Variants in SOD2 observed in about 807,000 individuals in gnomAD.
The protein encoded by SOD2 is superoxide dismutase [Mn], mitochondrial.
A neutral mutation model predicts 27.0 loss-of-function variants in SOD2; 11 were observed. The observed-to-expected ratio is 0.41, with a 90% CI of 0.26 to 0.67. The LOEUF (loss-of-function observed/expected upper bound fraction) is 0.67. SOD2 is among the 30% of genes least tolerant of loss of function. The pLI is 0.34. For missense variants in SOD2, 250 were observed against 274.5 expected, an observed-to-expected ratio of 0.91 and a Z score of 0.63; for synonymous variants, 105 against 103.0, an observed-to-expected ratio of 1.02 and a Z score of -0.12.
intron 1 of SOD2, among the ~76,000 whole-genome samples, chr6:159,724,019 G>A (rs1427096199): frequency 2.6e-5 from 4 of 151,836 alleles, no homozygotes; most frequent in African/African-American, 9.7e-5. Context: ...AAAGCACTGG[G>A]ATTACAGGTG....
rs564543657 is a variant in SOD2 at position 159,681,908 on chromosome 6, T to G, written c.*585A>C. 5.9e-5 allele frequency: 9 copies of G among 152,346 alleles called. No individual in the cohort carries two copies. Among genetic ancestry groups the G allele is most frequent in the African/African-American group, 2.2e-4 (9 of 41,586 alleles). 9.4% of individuals were successfully genotyped at this position (152,346 alleles called of 1,614,324 possible). On this transcript the variant is annotated 3_prime_UTR_variant, in exon 5 of 5. Coordinates refer to ENST00000538183, the MANE Select transcript of SOD2 (RefSeq NM_000636.4). ...TTTTGCTGTTGAAGTTTGCCTTTAC[T>G]GTGCAGGTGAGCAAACCCCAGTTCA...
At chr6:159,733,286 G>C (rs549260162) in intron 1 of SOD2, among the ~76,000 whole-genome samples, 26 of 152,304 alleles carry the variant, frequency 1.7e-4, no homozygotes, top group Admixed American at 1.2e-3. Context: ...AACAAATACT[G>C]AGGTTTTTAT....
At chr6:159,693,106 T>G in intron 1 of SOD2, 39 bp downstream of exon 1, 1 of 1,523,350 alleles carries the variant, frequency 6.6e-7, no homozygotes, top group Non-Finnish European at 8.8e-7. Flanking sequence ...GCGAGCCCCT[T>G]CGCCCTTGGG....
intron 1 of SOD2, chr6:159,736,292 G>A (rs1304778174): frequency 6.2e-7 from 1 of 1,604,436 alleles, no homozygotes; most frequent in East Asian, 2.2e-5. Flanking sequence ...CTCTTCCCAA[G>A]AAGGTATGGG....
intron 1 of SOD2, among the ~76,000 whole-genome samples, chr6:159,723,386 T>C (rs1195382072): frequency 6.6e-6 from 1 of 152,232 alleles, no homozygotes; most frequent in African/African-American, 2.4e-5. Flanking sequence ...TATGGATTAG[T>C]GTTGTTTGTT....
rs1304130784 is a variant in SOD2 at position 159,681,757 on chromosome 6, A to G, written c.*736T>C. 0.021 allele frequency: 3,258 copies of G among 152,302 alleles called. 74 individuals carry two copies. Among genetic ancestry groups the G allele is most frequent in the African/African-American group, 0.051 (2,111 of 41,546 alleles). 9.4% of individuals were successfully genotyped at this position (152,302 alleles called of 1,614,324 possible). A position where few individuals can be genotyped will look rare whatever the true frequency, so the allele number is the denominator to read the frequency against. On this transcript the variant is annotated 3_prime_UTR_variant, in exon 5 of 5. Coordinates refer to ENST00000538183, the MANE Select transcript of SOD2 (RefSeq NM_000636.4). ...TTTCCTGAAATTTACCACTGCCTTT[A>G]AATACTCTAGCTTGTAGGTCATCAT...
Position 159,671,554 on chromosome 6 carries a change from A to G in SOD2, c.*10939T>C, listed in dbSNP as rs1469910062. On this transcript the variant is annotated 3_prime_UTR_variant, in exon 5 of 5. Transcript: ENST00000538183. ...GTCCTGACTGTTAGAAGGAAAACTA[A>G]CAAACAGAAAGGACATCCACACCAA... 4 of 152,302 alleles carry G rather than the reference A, an allele frequency of 2.6e-5. No homozygotes were observed. Among genetic ancestry groups the G allele is most frequent in the Admixed American group, 2.6e-4 (4 of 15,288 alleles). 9.4% of individuals were successfully genotyped at this position (152,302 alleles called of 1,614,324 possible). A position where few individuals can be genotyped will look rare whatever the true frequency, so the allele number is the denominator to read the frequency against.
chr6:159,712,400 ACACT>A (rs1777825777), intron 1 of SOD2, among the ~76,000 whole-genome samples: 18 of 96,072 alleles, frequency 1.9e-4, no homozygotes, highest in South Asian at 4.3e-4. Flanking sequence ...ACCACCACTC[ACACT>A]GCTCTGATCA....
In SOD2 at chr6:159,671,648, A is replaced by G. The variant is rs1014235264; in HGVS notation, c.*10845T>C. 3.9e-5 allele frequency: 6 copies of G among 152,230 alleles called. No individual in the cohort carries two copies. The highest frequency in any genetic ancestry group is 1.2e-4 in the African/African-American group (5 of 41,452). The allele number at this position is 152,230 out of a possible 1,614,324, so 9.4% of individuals were successfully genotyped here. ...AAAACCACAAAGATGGGGAAAAAAC[A>G]GAGCAGAAAAGCTGAAAATTCTAAA... On this transcript the variant is annotated 3_prime_UTR_variant, in exon 5 of 5. Coordinates refer to ENST00000538183, the MANE Select transcript of SOD2 (RefSeq NM_000636.4).
Position 159,692,957 on chromosome 6 carries a change from G to A in SOD2, c.24-94C>T, listed in dbSNP as rs558514868. 5.6e-5 allele frequency: 76 copies of A among 1,363,010 alleles called. No individual in the cohort carries two copies. In the South Asian group the frequency reaches 8.4e-4, roughly 15 times the overall value. 84.4% of individuals were successfully genotyped at this position (1,363,010 alleles called of 1,614,324 possible). On this transcript the variant is annotated intron_variant, in intron 1 of 4. Coordinates refer to ENST00000538183, the MANE Select transcript of SOD2 (RefSeq NM_000636.4). ...GGAACGGCAGCGCGCGGCGTCCCCC[G>A]AGTCCCCGCGTCCCCTCCCTGCGGA...
At chr6:159,697,930 G>A (rs11757445), upstream of SOD2, among the ~76,000 whole-genome samples, 65,363 of 151,962 alleles carry the variant, frequency 0.43, 14,803 homozygotes, top group Admixed American at 0.51. Context: ...ATCTGAGGTC[G>A]GGAAATCGAG....
At chr6:159,694,967 G>A (rs1486944971), upstream of SOD2, among the ~76,000 whole-genome samples, 1 of 152,132 alleles carries the variant, frequency 6.6e-6, no homozygotes, top group Non-Finnish European at 1.5e-5. Flanking sequence ...TGGAAGCTGA[G>A]AAACATTTCT....
intron 1 of SOD2, among the ~76,000 whole-genome samples, chr6:159,720,847 CTTTTTTT>C (rs763455003): frequency 0.016 from 945 of 59,916 alleles, 15 homozygotes; most frequent in African/African-American, 0.058. Flanking sequence ...TTTTCTTTAC[CTTTTTTT>C]TTTTTTTTTT....
At chr6:159,752,033 A>T (rs1394229801) in intron 1 of SOD2, among the ~76,000 whole-genome samples, 1 of 151,518 alleles carries the variant, frequency 6.6e-6, no homozygotes, top group Admixed American at 6.6e-5. Flanking sequence ...ACTGCACTCC[A>T]GCCTGGCAAC....
At chr6:159,699,117 C>G (rs1777482118) in intron 1 of SOD2, among the ~76,000 whole-genome samples, 2 of 152,286 alleles carry the variant, frequency 1.3e-5, no homozygotes, top group South Asian at 4.1e-4. Context: ...CCAGCCTTAT[C>G]TAATTGGAGC....
chr6:159,713,474 T>C lies in SOD2; in HGVS notation c.-116+13655A>G, dbSNP rs1777868500. On this transcript the variant is annotated intron_variant, in intron 1 of 2. Coordinates refer to the SOD2 transcript ENST00000401980. Reference sequence around the variant, plus strand: ...ATTTCAATGTACCTGTGCCCTATTCTTTCCCTGTGTTTCTTCAATGCCGTC... The same window carrying C: ...ATTTCAATGTACCTGTGCCCTATTCCTTCCCTGTGTTTCTTCAATGCCGTC... 1.4e-5 allele frequency: 9 copies of C among 661,890 alleles called. No homozygotes were observed. The East Asian group carries it at 2.1e-4, about 15-fold the overall frequency. The allele number at this position is 661,890 out of a possible 1,614,324, so 41.0% of individuals were successfully genotyped here.
At chr6:159,689,582 CAG>C (rs2114782855) in intron 2 of SOD2, among the ~76,000 whole-genome samples, 1 of 152,350 alleles carries the variant, frequency 6.6e-6, no homozygotes, top group South Asian at 2.1e-4. Context: ...GTAAAGGACA[CAG>C]AGACCCACTG....
At chr6:159,749,339 G>T, upstream of SOD2, 1 of 985,434 alleles carries the variant, frequency 1.0e-6, no homozygotes, top group Non-Finnish European at 1.2e-6. Context: ...TGTCGTTGGT[G>T]TTAATGGGGG....
chr6:159,757,993 T>G (rs1305912894), intron 1 of SOD2, among the ~76,000 whole-genome samples: 1 of 152,262 alleles, frequency 6.6e-6, no homozygotes, highest in African/African-American at 2.4e-5. Flanking sequence ...TTCATGTTTC[T>G]GTTGAGTCTG....
Sources: allele counts gnomAD v4.1 joint callset (sites outside exome capture counted in the v4.1 genomes callset), GRCh38; gene constraint gnomAD v4.1.1; transcripts MANE v1.5; gene names NCBI Gene and HGNC (gene_info 2026-07-23, HGNC 2026-07-21).